Variants in YAP1 observed in about 807,000 individuals in gnomAD.
YAP1 encodes transcriptional coactivator YAP1.
Under a neutral mutation model 56.9 loss-of-function variants are expected in YAP1, and 5 were observed. The ratio of observed to expected loss-of-function variants is 0.09; its 90% CI spans 0.05 to 0.18. The LOEUF is 0.18. Ranked by LOEUF, YAP1 falls within the 10% of genes least tolerant of loss-of-function variation. The probability of loss-of-function intolerance (pLI) is 1.00; values close to 1 mark genes in which losing one functional copy is unlikely to be tolerated. For missense variants in YAP1, 539 were observed against 651.8 expected, an observed-to-expected ratio of 0.83 and a Z score of 1.88; for synonymous variants, 265 against 248.1, an observed-to-expected ratio of 1.07 and a Z score of -0.64.
intron 3 of YAP1, among the ~76,000 whole-genome samples, chr11:102,180,005 T>A (rs970130192): frequency 9.0e-6 from 1 of 111,480 alleles, no homozygotes; most frequent in Non-Finnish European, 1.8e-5. Flanking sequence ...ACATTTATTC[T>A]ATTTTTTTTT....
At chr11:102,138,628 G>GT (rs1944823640) in intron 2 of YAP1, among the ~76,000 whole-genome samples, 1 of 152,158 alleles carries the variant, frequency 6.6e-6, no homozygotes, top group South Asian at 2.1e-4. Flanking sequence ...TGGTACCCGT[G>GT]TTTCGTTTAA....
intron 3 of YAP1, among the ~76,000 whole-genome samples, chr11:102,180,074 A>G (rs936581457): frequency 4.8e-5 from 7 of 146,366 alleles, no homozygotes; most frequent in Admixed American, 1.4e-4. Context: ...CAATGGCACA[A>G]TCTTGGCTCA....
At chr11:102,205,230 A>G (rs1382771807) in intron 4 of YAP1, among the ~76,000 whole-genome samples, 1 of 152,046 alleles carries the variant, frequency 6.6e-6, no homozygotes, top group Admixed American at 6.6e-5. Context: ...CATGTCATCC[A>G]GATACTTGTG....
At chr11:102,134,518 T>C (rs1204149239) in intron 2 of YAP1, among the ~76,000 whole-genome samples, 1 of 147,958 alleles carries the variant, frequency 6.8e-6, no homozygotes, top group African/African-American at 2.5e-5. Flanking sequence ...ATATATTAAA[T>C]ATATATATAT....
chr11:102,211,047 G>A (rs1448464123), intron 6 of YAP1, among the ~76,000 whole-genome samples: 2 of 152,160 alleles, frequency 1.3e-5, no homozygotes, highest in African/African-American at 4.8e-5. Flanking sequence ...GAGCCACCAC[G>A]TCTGGCCTGA....
intron 2 of YAP1, among the ~76,000 whole-genome samples, chr11:102,151,044 G>A (rs1431995469): frequency 6.6e-6 from 1 of 151,734 alleles, no homozygotes; most frequent in African/African-American, 2.4e-5. Flanking sequence ...CGTGGTTGCT[G>A]GTCTCGAATG....
At chr11:102,229,570 T>C in intron 8 of YAP1, 132 bp from the exon 9 acceptor site, 1 of 745,006 alleles carries the variant, frequency 1.3e-6, no homozygotes, top group Non-Finnish European at 2.2e-6. Flanking sequence ...TGACCTGATA[T>C]AAATTCTAGG....
chr11:102,176,440 T>C (rs1591323235), intron 3 of YAP1, among the ~76,000 whole-genome samples: 1 of 152,104 alleles, frequency 6.6e-6, no homozygotes, highest in East Asian at 1.9e-4. Context: ...TTCACAAAGA[T>C]ATGGCATAAG....
At chr11:102,226,093 T>A (rs1341376880) in intron 7 of YAP1, among the ~76,000 whole-genome samples, 1 of 152,188 alleles carries the variant, frequency 6.6e-6, no homozygotes, top group East Asian at 1.9e-4. Flanking sequence ...CTGATGTGTG[T>A]CCCATGCTTA....
chr11:102,123,647 T>TTTTTTTTTTTTTC (rs1565429580), intron 2 of YAP1, among the ~76,000 whole-genome samples: 36 of 125,306 alleles, frequency 2.9e-4, no homozygotes, highest in Non-Finnish European at 3.8e-4. Flanking sequence ...TTTTTTTTTC[T>TTTTTTTTTTTTTC]TTTTTTTTTC....
At chr11:102,112,767 C>T (rs1326975261) in intron 1 of YAP1, 27 of 985,210 alleles carry the variant, frequency 2.7e-5, no homozygotes, top group South Asian at 4.7e-5. Flanking sequence ...TCTCTTACCC[C>T]TCGAAGTGGG....
intron 4 of YAP1, 160 bp downstream of exon 4, chr11:102,186,291 A>AT: frequency 5.0e-6 from 4 of 805,554 alleles, no homozygotes; most frequent in Non-Finnish European, 7.5e-6. Flanking sequence ...TATCCTTCTC[A>AT]TTGTAAACTT....
At chr11:102,190,288 G>C (rs1280880620) in intron 4 of YAP1, among the ~76,000 whole-genome samples, 1 of 152,160 alleles carries the variant, frequency 6.6e-6, no homozygotes, top group Non-Finnish European at 1.5e-5. Context: ...TTAGCGTACA[G>C]AGGAAAAGAT....
chr11:102,184,604 T>C (rs1181739583), intron 3 of YAP1, among the ~76,000 whole-genome samples: 1 of 152,224 alleles, frequency 6.6e-6, no homozygotes, highest in African/African-American at 2.4e-5. Flanking sequence ...CAAATTGATC[T>C]GTTCCTAATA....
chr11:102,137,968 G>A (rs11225147), intron 2 of YAP1, among the ~76,000 whole-genome samples: 76,580 of 151,728 alleles, frequency 0.5, 21,141 homozygotes, highest in South Asian at 0.67. Context: ...GCTCACTGCA[G>A]CCTCCGCCTC....
intron 2 of YAP1, among the ~76,000 whole-genome samples, chr11:102,124,448 C>A (rs1310580622): frequency 6.6e-6 from 1 of 152,106 alleles, no homozygotes; most frequent in Non-Finnish European, 1.5e-5. Context: ...GGATGATGCC[C>A]CTCAAGATTT....
rs541270729 is a variant in YAP1, at chr11:102,193,353, A to G, written c.802+7222A>G. Among the ~76,000 whole-genome samples, 5 of 152,240 alleles carry G rather than the reference A, an allele frequency of 3.3e-5. No individual in the cohort carries two copies. The East Asian group carries it at 9.6e-4, about 29-fold the overall frequency. On this transcript the variant is annotated intron_variant, in intron 4 of 8. Coordinates refer to ENST00000282441, the MANE Select transcript of YAP1 (RefSeq NM_001130145.3). ...TTTTATGTTAAATTCAGTAGGATAT[A>G]TTCTAAAAAGTAAACAACTTTAGTT...
chr11:102,223,097 A>G (rs1293775810), intron 6 of YAP1, among the ~76,000 whole-genome samples: 2 of 151,658 alleles, frequency 1.3e-5, no homozygotes, highest in Non-Finnish European at 2.9e-5. Context: ...AAATACAAAA[A>G]ATTAGCTGGG....
chr11:102,228,525 C>T (rs1021279613), intron 8 of YAP1, among the ~76,000 whole-genome samples: 2 of 150,366 alleles, frequency 1.3e-5, no homozygotes, highest in Non-Finnish European at 3.0e-5. Context: ...ATCCCAGCTA[C>T]TCGGGAGACT....
Sources: allele counts gnomAD v4.1 joint callset (sites outside exome capture counted in the v4.1 genomes callset), GRCh38; gene constraint gnomAD v4.1.1; transcripts MANE v1.5; gene names NCBI Gene and HGNC (gene_info 2026-07-23, HGNC 2026-07-21).